DSCAM: variants seen among roughly 807,000 people sequenced by gnomAD.
DSCAM encodes the protein DS cell adhesion molecule.
Under a neutral mutation model 217.7 loss-of-function variants are expected in DSCAM, and 47 were observed. The ratio of observed to expected loss-of-function variants is 0.22; its 90% CI spans 0.17 to 0.28. The LOEUF (loss-of-function observed/expected upper bound fraction) is 0.28, where lower values mean the gene tolerates loss of function less well. Among genes scored for constraint, DSCAM ranks in the 10% least tolerant of loss-of-function variants. The pLI is 1.00. For synonymous variants in DSCAM, 1,056 were observed against 1,015.3 expected (o/e 1.04, Z -0.76); for missense variants, 2,080 against 2,618.3 (o/e 0.79, Z 4.49).
chr21:40,082,108 T>A (rs1408117879), intron 24 of DSCAM, among the ~76,000 whole-genome samples: 1 of 152,174 alleles, frequency 6.6e-6, no homozygotes, highest in East Asian at 1.9e-4. Context: ...CTTCTGGCAA[T>A]GCTTATGTTA....
intron 1 of DSCAM, among the ~76,000 whole-genome samples, chr21:40,763,035 G>A (rs985659488): frequency 6.6e-6 from 1 of 152,124 alleles, no homozygotes; most frequent in African/African-American, 2.4e-5. Flanking sequence ...ACTGGCACAA[G>A]ACAAGGATGC....
At chr21:40,212,342 G>A (rs1305944052) in intron 11 of DSCAM, 2 of 154,070 alleles carry the variant, frequency 1.3e-5, no homozygotes, top group Admixed American at 6.6e-5. Flanking sequence ...GCCTCACCTT[G>A]AGAGGCATAG....
intron 30 of DSCAM, among the ~76,000 whole-genome samples, chr21:40,049,455 C>T (rs1250512591): frequency 6.6e-6 from 1 of 152,128 alleles, no homozygotes; most frequent in Non-Finnish European, 1.5e-5. Flanking sequence ...CCAAGAGAGC[C>T]CCTCCCACTG....
intron 32 of DSCAM, among the ~76,000 whole-genome samples, chr21:40,030,957 G>C (rs1031394488): frequency 1.5e-4 from 23 of 152,106 alleles, no homozygotes; most frequent in African/African-American, 5.6e-4. Flanking sequence ...CTGCCACTGT[G>C]TTCAAGAGGC....
At chr21:40,363,069 A>ATGAGCCAC (rs2074785514) in intron 4 of DSCAM, among the ~76,000 whole-genome samples, 1 of 152,038 alleles carries the variant, frequency 6.6e-6, no homozygotes, top group African/African-American at 2.4e-5. Context: ...CAGACCTTCA[A>ATGAGCCAC]TCAGCCACTC....
intron 1 of DSCAM, among the ~76,000 whole-genome samples, chr21:40,830,095 G>A (rs1274658187): frequency 6.6e-6 from 1 of 152,182 alleles, no homozygotes; most frequent in Non-Finnish European, 1.5e-5. Context: ...ACCAGAGACT[G>A]GGTAATTTAT....
At chr21:40,540,722 T>TC (rs1035092911) in intron 3 of DSCAM, among the ~76,000 whole-genome samples, 2 of 152,036 alleles carry the variant, frequency 1.3e-5, no homozygotes, top group Admixed American at 1.3e-4. Flanking sequence ...CTAAAAGAGC[T>TC]CCCCCATCCC....
intron 1 of DSCAM, among the ~76,000 whole-genome samples, chr21:40,834,396 G>A (rs899075372): frequency 6.8e-6 from 1 of 147,092 alleles, no homozygotes; most frequent in Non-Finnish European, 1.5e-5. Context: ...GACAGAGTGA[G>A]ACTCTGTCTC....
intron 8 of DSCAM, among the ~76,000 whole-genome samples, chr21:40,320,614 C>T (rs560820146): frequency 4.1e-4 from 63 of 152,192 alleles, no homozygotes; most frequent in Non-Finnish European, 7.5e-4. Flanking sequence ...TACAGGTCCA[C>T]GTGGCTGGGG....
chr21:40,372,116 C>T (rs2074904876), intron 3 of DSCAM, among the ~76,000 whole-genome samples: 4 of 152,142 alleles, frequency 2.6e-5, no homozygotes, highest in Admixed American at 2.6e-4. Flanking sequence ...AACAAGGACA[C>T]AGCTAAGTCA....
chr21:40,670,610 C>T lies in DSCAM; in HGVS notation c.508+22200G>A, dbSNP rs140340840. Among the ~76,000 whole-genome samples the T allele has an allele frequency of 3.0e-3, 454 of 151,510 alleles. 1 individual carries two copies. Among genetic ancestry groups the T allele is most frequent in the African/African-American group, 0.01 (424 of 41,394 alleles). ...ATATAGTATTTGTCTTTTTGTGACA[C>T]GCTTATTTCACTTAGCGTAATACCC... On this transcript the variant is annotated intron_variant, in intron 3 of 32. Transcript: ENST00000400454.
chr21:40,621,378 A>G (rs2089514342), intron 3 of DSCAM: 1 of 152,140 alleles, frequency 6.6e-6, no homozygotes. Context: ...CATGACTACT[A>G]TCACATGAGG....
At chr21:40,681,764 C>T (rs941413752) in intron 3 of DSCAM, among the ~76,000 whole-genome samples, 65 of 152,212 alleles carry the variant, frequency 4.3e-4, no homozygotes, top group African/African-American at 1.3e-3. Flanking sequence ...TCCAATATGA[C>T]TGTTGGCTTT....
chr21:40,116,857 C>G (rs533703316), intron 20 of DSCAM, among the ~76,000 whole-genome samples: 1 of 151,500 alleles, frequency 6.6e-6, no homozygotes, highest in Non-Finnish European at 1.5e-5. Context: ...AAAACATTAG[C>G]CAGGCATGGT....
intron 3 of DSCAM, among the ~76,000 whole-genome samples, chr21:40,530,710 C>T (rs1272118079): frequency 6.6e-6 from 1 of 152,144 alleles, no homozygotes; most frequent in Non-Finnish European, 1.5e-5. Context: ...CTTTCTCCAC[C>T]CTAAACCCAC....
At chr21:40,526,175 T>A (rs1446069514) in intron 3 of DSCAM, among the ~76,000 whole-genome samples, 1 of 152,072 alleles carries the variant, frequency 6.6e-6, no homozygotes, top group Admixed American at 6.5e-5. Context: ...CCCATCAACC[T>A]CCCAGCTGGA....
At chr21:40,159,678 G>A (rs1182566480) in intron 16 of DSCAM, among the ~76,000 whole-genome samples, 2 of 152,122 alleles carry the variant, frequency 1.3e-5, no homozygotes, top group African/African-American at 2.4e-5. Flanking sequence ...GTCTCCTAGC[G>A]TTCAAGGAAT....
At chr21:40,064,604 CAACCCTT>C in intron 27 of DSCAM, among the ~76,000 whole-genome samples, 1 of 152,180 alleles carries the variant, frequency 6.6e-6, no homozygotes, top group East Asian at 1.9e-4. Flanking sequence ...CCGTTTGGGT[CAACCCTT>C]CCCTAAACCT....
chr21:40,811,104 T>C (rs562233952), intron 1 of DSCAM, among the ~76,000 whole-genome samples: 84 of 152,246 alleles, frequency 5.5e-4, no homozygotes, highest in African/African-American at 1.7e-3. Flanking sequence ...ATGGGAAGGC[T>C]CAGTGTGTCC....
Sources: allele counts gnomAD v4.1 joint callset (sites outside exome capture counted in the v4.1 genomes callset), GRCh38; gene constraint gnomAD v4.1.1; transcripts MANE v1.5; gene names NCBI Gene and HGNC (gene_info 2026-07-23, HGNC 2026-07-21).